The following AKAP10 variants were observed in gnomAD, a reference collection of about 807,000 sequenced individuals.
AKAP10 encodes A-kinase anchoring protein 10.
A neutral mutation model predicts 80.8 loss-of-function variants in AKAP10; 24 were observed. The observed-to-expected ratio is 0.30, with a 90% CI of 0.22 to 0.42. The LOEUF (loss-of-function observed/expected upper bound fraction) is 0.42, where lower values mean the gene tolerates loss of function less well. AKAP10 is among the 10% of genes least tolerant of loss of function. AKAP10 has a pLI of 1.00. For synonymous variants in AKAP10, 291 were observed against 277.7 expected, an observed-to-expected ratio of 1.05 and a Z score of -0.48; for missense variants, 661 against 794.9, an observed-to-expected ratio of 0.83 and a Z score of 2.03.
intron 2 of AKAP10, among the ~76,000 whole-genome samples, chr17:19,964,309 A>G (rs1460801417): frequency 6.6e-6 from 1 of 152,060 alleles, no homozygotes; most frequent in Non-Finnish European, 1.5e-5. Context: ...CTAGTAACTT[A>G]TTTTTACCAC....
At chr17:19,954,597 G>A (rs2043252266) in intron 4 of AKAP10, among the ~76,000 whole-genome samples, 2 of 149,510 alleles carry the variant, frequency 1.3e-5, no homozygotes, top group Admixed American at 6.7e-5. Context: ...CTATTCTCCT[G>A]CCTCAACCTC....
chr17:19,911,782 C>A (rs180848644), intron 12 of AKAP10, among the ~76,000 whole-genome samples: 2 of 126,538 alleles, frequency 1.6e-5, no homozygotes, highest in African/African-American at 2.9e-5. Flanking sequence ...TTGTGGTGAG[C>A]CGAGATCACG....
chr17:19,972,625 T>C (rs2043513141), intron 1 of AKAP10, among the ~76,000 whole-genome samples: 2 of 152,138 alleles, frequency 1.3e-5, no homozygotes, highest in South Asian at 2.1e-4. Context: ...CCGGCTAATG[T>C]TTTGTATTTT....
At chr17:19,929,007 G>A (rs768068331) in intron 10 of AKAP10, among the ~76,000 whole-genome samples, 2 of 152,106 alleles carry the variant, frequency 1.3e-5, no homozygotes, top group Non-Finnish European at 2.9e-5. Context: ...GGGATATTTG[G>A]CCATAATGAG....
intron 1 of AKAP10, among the ~76,000 whole-genome samples, chr17:19,973,064 C>CT (rs1425560106): frequency 1.9e-4 from 29 of 152,218 alleles, no homozygotes; most frequent in Non-Finnish European, 7.3e-5. Context: ...ACTGCAACCT[C>CT]TGCCTCCTGG....
At chr17:19,910,779 T>C (rs1050211180) in intron 12 of AKAP10, among the ~76,000 whole-genome samples, 3 of 151,986 alleles carry the variant, frequency 2.0e-5, no homozygotes, top group Non-Finnish European at 4.4e-5. Context: ...TCTAGTTCTC[T>C]AGTCTATATA....
chr17:19,937,058 T>C (rs1013925947), intron 8 of AKAP10, among the ~76,000 whole-genome samples: 2 of 151,930 alleles, frequency 1.3e-5, no homozygotes, highest in African/African-American at 4.8e-5. Flanking sequence ...GGTAATGTTT[T>C]GGTAAGCTGA....
intron 11 of AKAP10, among the ~76,000 whole-genome samples, chr17:19,923,618 C>A (rs924425416): frequency 2.0e-5 from 3 of 152,078 alleles, no homozygotes; most frequent in African/African-American, 7.2e-5. Context: ...GCTCCGCCTC[C>A]CGGGCTCACG....
intron 1 of AKAP10, among the ~76,000 whole-genome samples, chr17:19,976,746 G>A (rs1597540038): frequency 6.6e-6 from 1 of 152,008 alleles, no homozygotes; most frequent in African/African-American, 2.4e-5. Flanking sequence ...TTGAACTCCC[G>A]ATCTCAGGTG....
At position 19,977,636 on chromosome 17, in the gene AKAP10, AG is replaced by A. The variant is rs2043589798; in HGVS notation, c.43del (p.Leu15SerfsTer16). ...CATGGCGGGGCCCGGGTCGGGACGG[AG>A]GGTGCGGGGGGACTGGCGCGGGGAG... Reference protein sequence around the residue: ...GPSPRQSPRTLRPDPGPAMSF... With the variant: ...GPSPRQSPRTXRPDPGPAMSF... On this transcript the variant is annotated frameshift_variant, in exon 1 of 15. Transcript: ENST00000225737. LOFTEE classifies it high-confidence loss of function. 53 of 1,234,882 alleles carry A rather than the reference AG, an allele frequency of 4.3e-5. No individual in the cohort carries two copies. The East Asian group carries it at 1.6e-3, about 37-fold the overall frequency. The allele number at this position is 1,234,882 out of a possible 1,614,324, so 76.5% of individuals were successfully genotyped here. A position where few individuals can be genotyped will look rare whatever the true frequency, so the allele number is the denominator to read the frequency against.
intron 10 of AKAP10, 41 bp downstream of exon 10, chr17:19,931,764 G>A (rs1478809754): frequency 1.9e-6 from 3 of 1,570,180 alleles, no homozygotes; most frequent in East Asian, 4.5e-5. Context: ...GAAAGGATGT[G>A]TATGCTTTTC....
chr17:19,941,828 T>A lies in AKAP10; in HGVS notation c.1059A>T (p.Gln353His), dbSNP rs2043053648. 1.3e-6 allele frequency: 2 copies of A among 1,589,026 alleles called. No individual in the cohort carries two copies. The highest frequency in any genetic ancestry group is 2.3e-5 in the South Asian group (2 of 85,710). ...TGTGAAAATATGAACTAACTTACTC[T>A]TGCTCCATTGCACTAAAGACTATGG... ...AQSIVFSAMEQEHFSEFLRSH... is the reference protein window; with the variant it reads ...AQSIVFSAMEHEHFSEFLRSH... The change falls in exon 6 of 15, where the codon CAA (glutamine) becomes CAT (histidine). Residue 353 changes from glutamine to histidine, a missense_variant and splice_region_variant. Physicochemically the swap from Gln to His is conservative, Grantham distance 24. Transcript: ENST00000225737.
chr17:19,946,377 G>A (rs550661395), intron 5 of AKAP10, among the ~76,000 whole-genome samples: 1 of 135,932 alleles, frequency 7.4e-6, no homozygotes, highest in Non-Finnish European at 1.5e-5. Flanking sequence ...AGCAGTTAAG[G>A]TATGTGAGGG....
At chr17:19,953,228 C>T (rs1267910720) in intron 4 of AKAP10, among the ~76,000 whole-genome samples, 1 of 151,566 alleles carries the variant, frequency 6.6e-6, no homozygotes, top group Non-Finnish European at 1.5e-5. Flanking sequence ...GTTCAAAATA[C>T]CAGAATTTGT....
chr17:19,974,554 C>A (rs1367602210), intron 1 of AKAP10, among the ~76,000 whole-genome samples: 1 of 152,116 alleles, frequency 6.6e-6, no homozygotes, highest in Non-Finnish European at 1.5e-5. Flanking sequence ...GTTGGATATA[C>A]CAGTCTGGAT....
At chr17:19,962,408 A>AT (rs2152418374) in intron 3 of AKAP10, among the ~76,000 whole-genome samples, 1 of 152,164 alleles carries the variant, frequency 6.6e-6, no homozygotes, top group Admixed American at 6.5e-5. Context: ...TTTTATACTG[A>AT]TTTCCAAATT....
intron 3 of AKAP10, among the ~76,000 whole-genome samples, chr17:19,961,285 G>A (rs2043346820): frequency 6.6e-6 from 1 of 151,754 alleles, no homozygotes; most frequent in East Asian, 1.9e-4. Flanking sequence ...TGAGGAGGGT[G>A]AGGCTGCAGT....
chr17:19,974,388 A>T (rs1013971512), intron 1 of AKAP10, among the ~76,000 whole-genome samples: 3 of 152,094 alleles, frequency 2.0e-5, no homozygotes, highest in Admixed American at 6.6e-5. Flanking sequence ...TTAAAACATT[A>T]TAAGTTTTGC....
intron 12 of AKAP10, among the ~76,000 whole-genome samples, chr17:19,915,389 C>G (rs966751099): frequency 2.0e-5 from 3 of 152,144 alleles, no homozygotes; most frequent in South Asian, 2.1e-4. Context: ...AAAAAGGAAC[C>G]AAGCTGGAGT....
Sources: gnomAD v4.1 joint callset for allele counts (sites outside exome capture counted in the v4.1 genomes callset) on GRCh38, gnomAD v4.1.1 for gene constraint, MANE v1.5 for transcripts, NCBI Gene and HGNC (gene_info 2026-07-23, HGNC 2026-07-21) for gene names.